The following CLDN10 variants were observed in gnomAD, a reference collection of about 807,000 sequenced individuals.
The protein encoded by CLDN10 is claudin 10.
In CLDN10, 15 loss-of-function variants were observed where a neutral mutation model predicts 22.9. The observed-to-expected ratio is 0.65, with a 90% CI of 0.44 to 1.01. The LOEUF is 1.01. CLDN10 is among the 50% of genes least tolerant of loss of function. The pLI is 0.00. For synonymous variants in CLDN10, 114 were observed against 111.4 expected (o/e 1.02, Z -0.15); for missense variants, 247 against 287.8 (o/e 0.86, Z 1.03).
intron 1 of CLDN10, among the ~76,000 whole-genome samples, chr13:95,536,246 T>A: frequency 6.8e-6 from 1 of 147,956 alleles, no homozygotes; most frequent in African/African-American, 2.5e-5. Context: ...AGGTCAGGAG[T>A]TCAAGACCAA....
upstream of CLDN10, among the ~76,000 whole-genome samples, chr13:95,549,695 A>G (rs2043544995): frequency 1.3e-5 from 2 of 152,250 alleles, no homozygotes; most frequent in Admixed American, 1.3e-4. Flanking sequence ...TATGTAGTAC[A>G]TCCTAGGGAA....
chr13:95,529,998 T>A (rs546531259), intron 1 of CLDN10, among the ~76,000 whole-genome samples: 10 of 152,042 alleles, frequency 6.6e-5, no homozygotes, highest in Non-Finnish European at 1.2e-4. Context: ...TATATTTAAA[T>A]CAAAAAAGAT....
intron 1 of CLDN10, among the ~76,000 whole-genome samples, chr13:95,472,669 C>CAAAAAA (rs35872345): frequency 9.4e-6 from 1 of 106,268 alleles, no homozygotes. Context: ...GACTCCGTCT[C>CAAAAAA]AAAAAAAAAA....
At chr13:95,496,055 T>G (rs9524983) in intron 1 of CLDN10, among the ~76,000 whole-genome samples, 1 of 152,026 alleles carries the variant, frequency 6.6e-6, no homozygotes. Flanking sequence ...TCCGGAATAT[T>G]TGGGCTCTTT....
At chr13:95,509,578 A>G (rs1371755266) in intron 1 of CLDN10, among the ~76,000 whole-genome samples, 1 of 152,234 alleles carries the variant, frequency 6.6e-6, no homozygotes, top group East Asian at 1.9e-4. Flanking sequence ...CAAAGCAACA[A>G]TAATTTTAGC....
intron 1 of CLDN10, among the ~76,000 whole-genome samples, chr13:95,438,147 G>A (rs1336085388): frequency 6.6e-6 from 1 of 152,188 alleles, no homozygotes; most frequent in Non-Finnish European, 1.5e-5. Flanking sequence ...TTGACTTCCT[G>A]GGCCCAAGTG....
chr13:95,526,664 T>A (rs2043284401), intron 1 of CLDN10, among the ~76,000 whole-genome samples: 1 of 152,086 alleles, frequency 6.6e-6, no homozygotes, highest in Non-Finnish European at 1.5e-5. Flanking sequence ...GGTGGGCACC[T>A]GGAATCACAG....
At chr13:95,446,853 GAATT>G (rs2042385626) in intron 1 of CLDN10, among the ~76,000 whole-genome samples, 1 of 151,312 alleles carries the variant, frequency 6.6e-6, no homozygotes, top group African/African-American at 2.4e-5. Context: ...AAAAAAAAAA[GAATT>G]AATATAATTA....
At chr13:95,551,383 A>G (rs1331226546), upstream of CLDN10, among the ~76,000 whole-genome samples, 1 of 152,212 alleles carries the variant, frequency 6.6e-6, no homozygotes, top group African/African-American at 2.4e-5. Context: ...CTAGAAATAG[A>G]CAGGAACATT....
intron 3 of CLDN10, among the ~76,000 whole-genome samples, chr13:95,576,899 C>A (rs936621707): frequency 1.3e-5 from 2 of 152,148 alleles, no homozygotes; most frequent in African/African-American, 4.8e-5. Flanking sequence ...CAGAACAGAA[C>A]AAATAGATGG....
At chr13:95,478,978 T>C (rs1216142011) in intron 1 of CLDN10, among the ~76,000 whole-genome samples, 1 of 152,222 alleles carries the variant, frequency 6.6e-6, no homozygotes, top group Non-Finnish European at 1.5e-5. Flanking sequence ...GAACTTTCAT[T>C]TTATTAGCCA....
chr13:95,508,844 G>C (rs1164925277), intron 1 of CLDN10, among the ~76,000 whole-genome samples: 1 of 152,254 alleles, frequency 6.6e-6, no homozygotes, highest in Non-Finnish European at 1.5e-5. Context: ...GGCTATGGAG[G>C]ATTCATGAGC....
intron 3 of CLDN10, among the ~76,000 whole-genome samples, chr13:95,563,421 T>C (rs1338846506): frequency 6.6e-6 from 1 of 152,162 alleles, no homozygotes; most frequent in Non-Finnish European, 1.5e-5. Context: ...ATTTACCTAA[T>C]GTAATTAAAA....
chr13:95,475,343 C>A (rs750346039), intron 1 of CLDN10, among the ~76,000 whole-genome samples: 1 of 152,212 alleles, frequency 6.6e-6, no homozygotes, highest in Non-Finnish European at 1.5e-5. Flanking sequence ...TCCCCAGAGA[C>A]TGTAACCAGC....
At chr13:95,577,122 A>G (rs1038602578) in intron 3 of CLDN10, 109 bp from the exon 4 acceptor site, 12 of 724,520 alleles carry the variant, frequency 1.7e-5, no homozygotes, top group Non-Finnish European at 2.8e-5. Context: ...TACAATTTTC[A>G]ATAGCAAAAA....
intron 1 of CLDN10, among the ~76,000 whole-genome samples, chr13:95,540,301 A>AAAATAAAT (rs57019843): frequency 0.057 from 8,069 of 142,758 alleles, 293 homozygotes; most frequent in Middle Eastern, 0.11. Flanking sequence ...CTCTGTCTCA[A>AAAATAAAT]AAATAAATAA....
At chr13:95,515,244 G>A (rs752150616) in intron 1 of CLDN10, among the ~76,000 whole-genome samples, 12 of 152,084 alleles carry the variant, frequency 7.9e-5, no homozygotes, top group Admixed American at 4.6e-4. Context: ...TCTCACCCAC[G>A]ATGGAATGCA....
At chr13:95,572,484 T>G (rs1453676765) in intron 3 of CLDN10, among the ~76,000 whole-genome samples, 1 of 152,094 alleles carries the variant, frequency 6.6e-6, no homozygotes, top group African/African-American at 2.4e-5. Flanking sequence ...TAGTAATACC[T>G]ATCTCCCAGG....
chr13:95,483,858 C>G (rs1439788849), intron 1 of CLDN10, among the ~76,000 whole-genome samples: 1 of 152,170 alleles, frequency 6.6e-6, no homozygotes, highest in African/African-American at 2.4e-5. Flanking sequence ...AAATGCTAAC[C>G]CCCAAGGTGA....
Sources: gnomAD v4.1 joint callset for allele counts (sites outside exome capture counted in the v4.1 genomes callset) on GRCh38, gnomAD v4.1.1 for gene constraint, MANE v1.5 for transcripts, NCBI Gene and HGNC (gene_info 2026-07-23, HGNC 2026-07-21) for gene names.